The following GPR158 variants were observed in gnomAD, a reference collection of about 807,000 sequenced individuals.
GPR158 encodes G protein-coupled receptor 158, also known as metabotropic glycine receptor.
In GPR158, 30 loss-of-function variants were observed where a neutral mutation model predicts 78.2. That is an observed-to-expected ratio of 0.38 (90% CI 0.29 to 0.52). The LOEUF (loss-of-function observed/expected upper bound fraction) is 0.52. Ranked by LOEUF, GPR158 falls within the 20% of genes least tolerant of loss-of-function variation. The pLI is 0.83. For synonymous variants in GPR158, 581 were observed against 591.1 expected (o/e 0.98, Z 0.25); for missense variants, 1,463 against 1,523.5 (o/e 0.96, Z 0.66).
Position 25,380,865 on chromosome 10 carries a change from A to G in GPR158, c.1009-15046A>G, listed in dbSNP as rs540222055. Reference sequence around the variant, plus strand: ...TTATGACAATAGGGATGAGAAAGGCATTGATTTTACATATAGCTAAAAGGT... The same window carrying G: ...TTATGACAATAGGGATGAGAAAGGCGTTGATTTTACATATAGCTAAAAGGT... On this transcript the variant is annotated intron_variant, in intron 2 of 10. Transcript: ENST00000376351. Among the ~76,000 whole-genome samples, 13 of 152,328 alleles carry G rather than the reference A, an allele frequency of 8.5e-5. No homozygotes were observed. In the South Asian group the frequency reaches 2.7e-3, roughly 32 times the overall value.
At chr10:25,282,131 C>T (rs1255387330) in intron 2 of GPR158, among the ~76,000 whole-genome samples, 2 of 152,112 alleles carry the variant, frequency 1.3e-5, no homozygotes, top group Non-Finnish European at 2.9e-5. Context: ...TAAAATCATC[C>T]ACTAGCCCTC....
In GPR158 at chr10:25,175,774, G is replaced by T. The variant is rs761268623; in HGVS notation, c.354G>T (p.Ala118=). ...GGAAGTGGCCAGCCCTGGCCAGCGC[G>T]CACCCCTCCTTGCACCGGGCGCTGG... The part of the protein sequence containing the change: ...LPGKWPALAS[A]HPSLHRALDT... Residue 118 remains alanine, a synonymous_variant, in exon 1 of 11, where the codon GCG becomes GCT. Coordinates refer to ENST00000376351, the MANE Select transcript of GPR158 (RefSeq NM_020752.3). This position sits in a 1 kb window ranked among gnomAD's most constrained non-coding sequence, Gnocchi z 6.4. The T allele has an allele frequency of 6.2e-7, 1 of 1,611,026 alleles. No homozygotes were observed. The highest frequency in any genetic ancestry group is 8.5e-7 in the Non-Finnish European group (1 of 1,179,928).
chr10:25,319,285 G>C (rs894091634), intron 2 of GPR158, among the ~76,000 whole-genome samples: 1 of 152,130 alleles, frequency 6.6e-6, no homozygotes, highest in Non-Finnish European at 1.5e-5. Flanking sequence ...AGACACTTCT[G>C]TCATCACACT....
intron 1 of GPR158, among the ~76,000 whole-genome samples, chr10:25,219,761 C>T (rs1853272697): frequency 6.6e-6 from 1 of 152,178 alleles, no homozygotes; most frequent in African/African-American, 2.4e-5. Context: ...TGTTAGAATG[C>T]TTCACAGTAG....
intron 2 of GPR158, among the ~76,000 whole-genome samples, chr10:25,309,306 GTGATAC>G (rs1466216261): frequency 6.6e-6 from 1 of 152,024 alleles, no homozygotes; most frequent in African/African-American, 2.4e-5. Context: ...CTAATGGTTA[GTGATAC>G]TGAACATCTT....
At chr10:25,573,086 AG>A (rs1179550103) in intron 7 of GPR158, among the ~76,000 whole-genome samples, 199 bp downstream of exon 7, 2 of 152,208 alleles carry the variant, frequency 1.3e-5, no homozygotes, top group African/African-American at 4.8e-5. Context: ...TGTTTTTCAA[AG>A]GTATATAGCT....
chr10:25,401,874 A>AC (rs772906216), intron 3 of GPR158, among the ~76,000 whole-genome samples: 3 of 152,054 alleles, frequency 2.0e-5, no homozygotes, highest in Non-Finnish European at 2.9e-5. Flanking sequence ...TACATTTCTT[A>AC]CACAAAATCA....
intron 4 of GPR158, among the ~76,000 whole-genome samples, chr10:25,424,332 T>C (rs1834791030): frequency 6.6e-6 from 1 of 152,232 alleles, no homozygotes; most frequent in Admixed American, 6.5e-5. Flanking sequence ...GTAGGTTGCC[T>C]GTTCACTCTG....
rs189865774 is a variant in GPR158, at chr10:25,440,714, T to C, written c.1336-25937T>C. 5.3e-3 allele frequency among the ~76,000 whole-genome samples: 812 copies of C among 152,342 alleles called. 2 individuals carry two copies. Among genetic ancestry groups the C allele is most frequent in the Middle Eastern group, 0.014 (4 of 294 alleles). ...GCAGGATTTTTGAGAAATTAAAATG[T>C]ATTTAAAGTTTGTCTGCTGATTCAT... On this transcript the variant is annotated intron_variant, in intron 4 of 10. Coordinates refer to ENST00000376351, the MANE Select transcript of GPR158 (RefSeq NM_020752.3).
At chr10:25,553,987 C>A (rs1055884083) in intron 6 of GPR158, among the ~76,000 whole-genome samples, 29 of 152,012 alleles carry the variant, frequency 1.9e-4, no homozygotes, top group African/African-American at 6.5e-4. Context: ...TGGTTGCAAA[C>A]AAAATGGGTT....
Position 25,597,798 on chromosome 10 carries a change from A to G in GPR158, c.2172A>G (p.Gln724=), listed in dbSNP as rs147599331. Residue 724 remains glutamine (Q), a synonymous_variant, in exon 11 of 11, where the codon CAA becomes CAG. Transcript: ENST00000376351. ...ACGAGCTGAAAAAACTCTATGCCCAACTGGAAATATATAAAAGAAAGAAGA... is the reference window on the plus strand; with the variant it reads ...ACGAGCTGAAAAAACTCTATGCCCAGCTGGAAATATATAAAAGAAAGAAGA... ...IRDELKKLYA[Q]LEIYKRKKMI... 7.1e-3 allele frequency: 10,728 copies of G among 1,508,450 alleles called. 51 individuals carry two copies. The highest frequency in any genetic ancestry group is 0.011 in the Middle Eastern group (61 of 5,588). 93.4% of individuals were successfully genotyped at this position (1,508,450 alleles called of 1,614,324 possible).
At position 25,423,420 on chromosome 10, in the gene GPR158, G is replaced by C. The variant is rs1389129479; in HGVS notation, c.1335+10947G>C. On this transcript the variant is annotated intron_variant, in intron 4 of 10. Coordinates refer to ENST00000376351, the MANE Select transcript of GPR158 (RefSeq NM_020752.3). ...TTTTTTTTTATACTTTAAGTCCTAG[G>C]GTACATGTGCACAATGTGCAGGTTT... Among the ~76,000 whole-genome samples the C allele has an allele frequency of 2.6e-5, 4 of 151,494 alleles. No homozygotes were observed. The South Asian group carries it at 6.3e-4, about 24-fold the overall frequency.
intron 2 of GPR158, chr10:25,393,636 G>A (rs1834331598): frequency 6.6e-6 from 1 of 152,146 alleles, no homozygotes; most frequent in African/African-American, 2.4e-5. Flanking sequence ...TCTAGCAGGG[G>A]AACACAGCAG....
intron 5 of GPR158, among the ~76,000 whole-genome samples, chr10:25,537,421 TTTC>T (rs1213367023): frequency 3.9e-5 from 6 of 152,138 alleles, no homozygotes; most frequent in African/African-American, 1.2e-4. Context: ...ATTGGAGTAG[TTTC>T]TTATTTTAAA....
intron 2 of GPR158, among the ~76,000 whole-genome samples, chr10:25,357,497 G>A (rs1431739783): frequency 6.6e-6 from 1 of 152,120 alleles, no homozygotes; most frequent in African/African-American, 2.4e-5. Context: ...GTACAGTCTA[G>A]GGACTTGGTG....
intron 4 of GPR158, among the ~76,000 whole-genome samples, chr10:25,431,293 T>A (rs1834900874): frequency 7.1e-6 from 1 of 140,410 alleles, no homozygotes; most frequent in Admixed American, 7.2e-5. Flanking sequence ...GAAATGCAAA[T>A]CAAAACCACA....
intron 7 of GPR158, among the ~76,000 whole-genome samples, chr10:25,585,981 AAAAAAT>A (rs904723117): frequency 6.6e-5 from 10 of 152,300 alleles, no homozygotes; most frequent in African/African-American, 2.2e-4. Context: ...CCTGTCTCAA[AAAAAAT>A]AAAAATATAA....
intron 2 of GPR158, among the ~76,000 whole-genome samples, chr10:25,300,017 C>A (rs111255259): frequency 0.013 from 1,905 of 152,182 alleles, 46 homozygotes; most frequent in African/African-American, 0.043. Flanking sequence ...CTCGGTCTAC[C>A]AAAGTGCTGG....
intron 3 of GPR158, among the ~76,000 whole-genome samples, chr10:25,404,591 A>G (rs1485840287): frequency 3.9e-5 from 6 of 152,210 alleles, no homozygotes; most frequent in African/African-American, 1.2e-4. Context: ...CTTGAGGAAG[A>G]TAATAAAGTG....
Sources: gnomAD v4.1 joint callset for allele counts (sites outside exome capture counted in the v4.1 genomes callset) on GRCh38, gnomAD v4.1.1 for gene constraint, Gnocchi (gnomAD v3.1) non-coding constraint, MANE v1.5 for transcripts, NCBI Gene and HGNC (gene_info 2026-07-23, HGNC 2026-07-21) for gene names.